The following ARID5A variants were observed in gnomAD, a reference collection of about 807,000 sequenced individuals.
ARID5A encodes the protein AT-rich interactive domain-containing protein 5A.
Under a neutral mutation model 30.5 loss-of-function variants are expected in ARID5A, and 14 were observed. The observed-to-expected ratio is 0.46, with a 90% CI of 0.30 to 0.72. The LOEUF (loss-of-function observed/expected upper bound fraction) is 0.72. Ranked by LOEUF, ARID5A falls within the 30% of genes least tolerant of loss-of-function variation. The probability of loss-of-function intolerance (pLI) is 0.07; values close to 1 mark genes in which losing one functional copy is unlikely to be tolerated. For synonymous variants in ARID5A, 338 were observed against 340.4 expected, an observed-to-expected ratio of 0.99 and a Z score of 0.08; for missense variants, 669 against 786.2, an observed-to-expected ratio of 0.85 and a Z score of 1.78.
In ARID5A at chr2:96,550,053, G is replaced by C; in HGVS notation, c.313-135G>C. On this transcript the variant is annotated intron_variant, in intron 4 of 6. Transcript: ENST00000357485. This position sits in a 1 kb window ranked among gnomAD's most constrained non-coding sequence, Gnocchi z 6.6. ...GTCCATGGCCCTAGGAGAGAGAATCGGCTGGCCGCTGCTGGAGCCGCAGAG... is the reference window on the plus strand; with the variant it reads ...GTCCATGGCCCTAGGAGAGAGAATCCGCTGGCCGCTGCTGGAGCCGCAGAG... The C allele has an allele frequency of 6.5e-7, 1 of 1,532,912 alleles. No individual in the cohort carries two copies. The highest frequency in any genetic ancestry group is 8.7e-7 in the Non-Finnish European group (1 of 1,146,030). 95.0% of individuals were successfully genotyped at this position (1,532,912 alleles called of 1,614,324 possible).
At position 96,550,825 on chromosome 2, in the gene ARID5A, G is replaced by C; in HGVS notation, c.570+92G>C. 1 of 1,446,410 alleles carries C rather than the reference G, an allele frequency of 6.9e-7. No homozygotes were observed. The highest frequency in any genetic ancestry group is 2.5e-5 in the East Asian group (1 of 40,100). The allele number at this position is 1,446,410 out of a possible 1,614,324, so 89.6% of individuals were successfully genotyped here. A position where few individuals can be genotyped will look rare whatever the true frequency, so the allele number is the denominator to read the frequency against. On this transcript the variant is annotated intron_variant, in intron 6 of 6. Coordinates refer to ENST00000357485, the MANE Select transcript of ARID5A (RefSeq NM_212481.3). The surrounding 1 kb of genome is among the most constrained non-coding windows in gnomAD (Gnocchi z 6.6). ...CTGTGGCCGCGGAGCTGTCTGCTCA[G>C]AATACACAGAACCTGCACCCAGGGC...
Position 96,539,704 on chromosome 2 carries a change from G to A in ARID5A, c.4+2874G>A, listed in dbSNP as rs961368816. ...GGAAGTTGATTCATAGAGTGTGGGG[G>A]CCATGCCCCTTCCCGGCCCTCCCCC... On this transcript the variant is annotated intron_variant, in intron 1 of 6. Transcript: ENST00000357485. This position sits in a 1 kb window ranked among gnomAD's most constrained non-coding sequence, Gnocchi z 4.7. 6.6e-6 allele frequency among the ~76,000 whole-genome samples: 1 copy of A among 152,108 alleles called. No individual in the cohort carries two copies. Among genetic ancestry groups the A allele is most frequent in the African/African-American group, 2.4e-5 (1 of 41,386 alleles).
rs1004235214 is a variant in ARID5A, at chr2:96,550,604, G to C, written c.441G>C (p.Lys147Asn). 3 of 1,607,660 alleles carry C rather than the reference G, an allele frequency of 1.9e-6. No individual in the cohort carries two copies. The highest frequency in any genetic ancestry group is 2.7e-5 in the African/African-American group (2 of 74,824). ...RLVLPYVRHL[K>N]GEDDKPLPTS... ...TCCTGCCATACGTGCGGCACCTGAA[G>C]GGGGAGGATGACAAGCCGCTGCCCA... The change falls in exon 6 of 7, where the codon AAG becomes AAC. Residue 147 changes from lysine (K) to asparagine (N), a missense_variant. Lys to Asn is a moderately conservative substitution (Grantham distance 94). Around this residue, in one of 4 missense-constraint regions of ARID5A, gnomAD observed 64 missense variants for 119.7 expected, o/e 0.53. Coordinates refer to ENST00000357485, the MANE Select transcript of ARID5A (RefSeq NM_212481.3). This position sits in a 1 kb window ranked among gnomAD's most constrained non-coding sequence, Gnocchi z 6.6.
Position 96,550,743 on chromosome 2 carries a change from C to A in ARID5A, c.570+10C>A, listed in dbSNP as rs377372638. On this transcript the variant is annotated intron_variant, in intron 6 of 6. Coordinates refer to ENST00000357485, the MANE Select transcript of ARID5A (RefSeq NM_212481.3). This position sits in a 1 kb window ranked among gnomAD's most constrained non-coding sequence, Gnocchi z 6.6. ...GCGGCGCATGGACCAGGTAGGCCTG[C>A]GGCTGGCTGGGGCCACCCTGTCCCT... is the stretch of plus-strand genomic sequence containing the variant. 3.7e-5 allele frequency: 57 copies of A among 1,546,494 alleles called. No individual in the cohort carries two copies. The African/African-American group carries it at 5.4e-4, about 15-fold the overall frequency.
At chr2:96,541,089 A>G (rs1238951662) in intron 1 of ARID5A, among the ~76,000 whole-genome samples, 5 of 121,004 alleles carry the variant, frequency 4.1e-5, no homozygotes, top group African/African-American at 1.6e-4. Context: ...CCAGGCTGGA[A>G]TGCAGTGGCG....
At chr2:96,544,152 A>G (rs1558615467) in intron 1 of ARID5A, among the ~76,000 whole-genome samples, 1 of 152,224 alleles carries the variant, frequency 6.6e-6, no homozygotes, top group Admixed American at 6.5e-5. Context: ...TTGCTTCATG[A>G]GGTTTAAGGA....
chr2:96,538,621 G>T lies in ARID5A; in HGVS notation c.4+1791G>T, dbSNP rs1478606425. On this transcript the variant is annotated intron_variant, in intron 1 of 6. Coordinates refer to ENST00000357485, the MANE Select transcript of ARID5A (RefSeq NM_212481.3). ...TGCTGGAGCAAGCTCGCGTAGACTC[G>T]GCCTGGCCGCCGCTCCCGGGCTGCC... is the stretch of plus-strand genomic sequence containing the variant. 4.6e-5 allele frequency among the ~76,000 whole-genome samples: 7 copies of T among 152,058 alleles called. No individual in the cohort carries two copies. The East Asian group carries it at 9.7e-4, about 21-fold the overall frequency.
chr2:96,547,590 G>A (rs2065951404), intron 2 of ARID5A, 73 bp downstream of exon 2: 1 of 1,372,382 alleles, frequency 7.3e-7, no homozygotes, highest in Non-Finnish European at 1.0e-6. Context: ...GCCTCCAGGT[G>A]AACCTGGACA....
chr2:96,551,349 A>G lies in ARID5A; in HGVS notation c.821A>G (p.Gln274Arg). The change falls in exon 7 of 7, where the codon CAG becomes CGG. Residue 274 changes from glutamine to arginine, a missense_variant. By Grantham distance (43) the Gln-to-Arg change is conservative. Around this residue, in one of 4 missense-constraint regions of ARID5A, gnomAD observed 548 missense variants for 577.4 expected, o/e 0.95. Transcript: ENST00000357485. Reference protein sequence around the residue: ...LAQVSKVEALQCQEEGCRHGA... With the variant: ...LAQVSKVEALRCQEEGCRHGA... Reference sequence around the variant, plus strand: ...CAGGTGAGCAAGGTGGAGGCCTTGCAGTGCCAGGAGGAGGGCTGCCGCCAT... The same window carrying G: ...CAGGTGAGCAAGGTGGAGGCCTTGCGGTGCCAGGAGGAGGGCTGCCGCCAT... 1 of 1,613,252 alleles carries G rather than the reference A, an allele frequency of 6.2e-7. No homozygotes were observed.
intron 1 of ARID5A, among the ~76,000 whole-genome samples, chr2:96,542,000 C>A (rs1266372022): frequency 1.3e-5 from 2 of 152,216 alleles, no homozygotes; most frequent in Non-Finnish European, 2.9e-5. Flanking sequence ...AGGGCCCACC[C>A]CACCATGCAG....
At chr2:96,544,945 G>A (rs1453317261) in intron 1 of ARID5A, among the ~76,000 whole-genome samples, 2 of 152,070 alleles carry the variant, frequency 1.3e-5, no homozygotes, top group African/African-American at 4.8e-5. Flanking sequence ...ATGACTTTGA[G>A]GGCTTCAAGA....
intron 2 of ARID5A, among the ~76,000 whole-genome samples, chr2:96,548,691 C>T (rs543971724): frequency 1.3e-5 from 2 of 152,334 alleles, no homozygotes; most frequent in African/African-American, 2.4e-5. Context: ...CCGAGCCACT[C>T]GCTGGATAAA....
Position 96,550,636 on chromosome 2 carries a change from A to G in ARID5A, c.473A>G (p.Lys158Arg), listed in dbSNP as rs2104706702. 2 of 1,607,920 alleles carry G rather than the reference A, an allele frequency of 1.2e-6. No individual in the cohort carries two copies. Among genetic ancestry groups the G allele is most frequent in the Non-Finnish European group, 1.7e-6 (2 of 1,177,790 alleles). The change falls in exon 6 of 7, where the codon AAG becomes AGG. Residue 158 changes from lysine to arginine, a missense_variant. Physicochemically the swap from Lys to Arg is conservative, Grantham distance 26. This residue lies in a region of ARID5A where 548 missense variants were observed against 577.4 expected (regional missense o/e 0.95). Transcript: ENST00000357485. This position sits in a 1 kb window ranked among gnomAD's most constrained non-coding sequence, Gnocchi z 6.6. Reference protein sequence around the residue: ...GEDDKPLPTSKPRKQYKMAKE... With the variant: ...GEDDKPLPTSRPRKQYKMAKE... ...GATGACAAGCCGCTGCCCACCTCCA[A>G]GCCCAGGAAACAGTACAAGATGGCT...
chr2:96,545,754 G>GA (rs1434537455), intron 1 of ARID5A, among the ~76,000 whole-genome samples: 1 of 151,672 alleles, frequency 6.6e-6, no homozygotes, highest in Non-Finnish European at 1.5e-5. Flanking sequence ...AGGAGTTTGA[G>GA]ACCAGTCTGG....
In ARID5A at chr2:96,552,073, G is replaced by A. The variant is rs367923366; in HGVS notation, c.1545G>A (p.Pro515=). ...LHCPLNFTGT[P]GPLKGQAALP... is the part of the protein sequence containing the mutation. ...GCCCGCTGAACTTCACTGGCACCCCGGGCCCCTTGAAGGGCCAGGCTGCAC... is the reference window on the plus strand; with the variant it reads ...GCCCGCTGAACTTCACTGGCACCCCAGGCCCCTTGAAGGGCCAGGCTGCAC... Residue 515 remains proline, a synonymous_variant, in exon 7 of 7, where the codon CCG becomes CCA. Coordinates refer to ENST00000357485, the MANE Select transcript of ARID5A (RefSeq NM_212481.3). The A allele has an allele frequency of 2.0e-5, 31 of 1,587,940 alleles. No homozygotes were observed. Among genetic ancestry groups the A allele is most frequent in the African/African-American group, 2.7e-5 (2 of 74,384 alleles).
intron 2 of ARID5A, among the ~76,000 whole-genome samples, chr2:96,548,247 A>T (rs2065963325): frequency 6.6e-6 from 1 of 151,772 alleles, no homozygotes; most frequent in Non-Finnish European, 1.5e-5. Context: ...AAAAGTAAAA[A>T]CACTGAAATA....
Position 96,549,981 on chromosome 2 carries a change from C to T in ARID5A, c.312+176C>T. 6.5e-7 allele frequency: 1 copy of T among 1,533,296 alleles called. No individual in the cohort carries two copies. The highest frequency in any genetic ancestry group is 8.7e-7 in the Non-Finnish European group (1 of 1,144,142). The allele number at this position is 1,533,296 out of a possible 1,614,324, so 95.0% of individuals were successfully genotyped here. ...GCTCAAAGCAGCTTTTCAGCCTTCC[C>T]CATCTGTTCTGCCCGCCCCGTGTTG... On this transcript the variant is annotated intron_variant, in intron 4 of 6. Coordinates refer to ENST00000357485, the MANE Select transcript of ARID5A (RefSeq NM_212481.3). This position sits in a 1 kb window ranked among gnomAD's most constrained non-coding sequence, Gnocchi z 6.1.
At chr2:96,544,994 C>G (rs1368199503) in intron 1 of ARID5A, among the ~76,000 whole-genome samples, 2 of 152,092 alleles carry the variant, frequency 1.3e-5, no homozygotes, top group Non-Finnish European at 2.9e-5. Context: ...GTGGAACCAG[C>G]AAGAGAACTA....
At position 96,552,246 on chromosome 2, in the gene ARID5A, C is replaced by T. The variant is rs778016034; in HGVS notation, c.1718C>T (p.Ala573Val). The change falls in exon 7 of 7, where the codon GCC becomes GTC. Residue 573 changes from alanine (A) to valine (V), a missense_variant. This residue lies in a region of ARID5A where 548 missense variants were observed against 577.4 expected (regional missense o/e 0.95). Coordinates refer to ENST00000357485, the MANE Select transcript of ARID5A (RefSeq NM_212481.3). ...CACAGACTTTGCCCGGCCTCATCTG[C>T]CTGGCACGCACCACCAGTCACAACC... is the stretch of plus-strand genomic sequence containing the variant. ...LRHRLCPASS[A>V]WHAPPVTTYA... 1.2e-6 allele frequency: 2 copies of T among 1,613,264 alleles called. No homozygotes were observed. The highest frequency in any genetic ancestry group is 1.7e-6 in the Non-Finnish European group (2 of 1,179,812).
Sources: allele counts gnomAD v4.1 joint callset (sites outside exome capture counted in the v4.1 genomes callset), GRCh38; gene constraint gnomAD v4.1.1; regional missense constraint gnomAD v4.1.1; non-coding constraint Gnocchi (gnomAD v3.1); transcripts MANE v1.5; gene names NCBI Gene and HGNC (gene_info 2026-07-23, HGNC 2026-07-21).